The following UTRN variants were observed in gnomAD, a reference collection of about 807,000 sequenced individuals.
UTRN encodes utrophin.
A neutral mutation model predicts 463.9 loss-of-function variants in UTRN; 283 were observed. The observed-to-expected ratio is 0.61, with a 90% confidence interval of 0.55 to 0.67. The LOEUF (loss-of-function observed/expected upper bound fraction) is 0.67, where lower values mean the gene tolerates loss of function less well. Ranked by LOEUF, UTRN falls within the 30% of genes least tolerant of loss-of-function variation. The pLI, the probability that UTRN is intolerant of heterozygous loss-of-function variation, is 0.00. For missense variants in UTRN, 3,922 were observed against 4,084.3 expected, an observed-to-expected ratio of 0.96 and a Z score of 1.08; for synonymous variants, 1,442 against 1,431.5, an observed-to-expected ratio of 1.01 and a Z score of -0.17.
At chr6:144,734,714 G>T (rs965568178) in intron 54 of UTRN, among the ~76,000 whole-genome samples, 12 of 152,278 alleles carry the variant, frequency 7.9e-5, no homozygotes, top group African/African-American at 2.2e-4. Flanking sequence ...CTACCCCTTG[G>T]ATGATTGCAG....
intron 25 of UTRN, 25 bp from the exon 26 acceptor site, chr6:144,479,787 T>C: frequency 6.3e-7 from 1 of 1,599,056 alleles, no homozygotes; most frequent in South Asian, 1.1e-5. Flanking sequence ...TTTGTTTATT[T>C]GGGGGAATGG....
chr6:144,666,623 T>C (rs1780423369), intron 51 of UTRN, among the ~76,000 whole-genome samples: 2 of 152,352 alleles, frequency 1.3e-5, no homozygotes, highest in African/African-American at 4.8e-5. Flanking sequence ...AAAGTTAATA[T>C]GCCACCAAAT....
intron 2 of UTRN, among the ~76,000 whole-genome samples, chr6:144,304,272 A>G (rs916045575): frequency 6.6e-5 from 10 of 151,964 alleles, no homozygotes; most frequent in African/African-American, 1.2e-4. Context: ...AACACTTGCA[A>G]GCATTCTTGG....
chr6:144,389,913 CTT>C (rs1316619933), intron 2 of UTRN, among the ~76,000 whole-genome samples: 1 of 152,090 alleles, frequency 6.6e-6, no homozygotes, highest in Non-Finnish European at 1.5e-5. Context: ...CTTCATTACT[CTT>C]ATAATAATTC....
In UTRN at chr6:144,586,860, T is replaced by C. The variant is rs113030097; in HGVS notation, c.7479+9572T>C. ...GTGACTCAAGCATTTTAGAAAATGT[T>C]GATTTAAGTGATATAACTTCTATTT... On this transcript the variant is annotated intron_variant, in intron 51 of 74. Transcript: ENST00000367545. 7.1e-3 allele frequency among the ~76,000 whole-genome samples: 1,081 copies of C among 152,314 alleles called. 11 individuals carry two copies. Among genetic ancestry groups the C allele is most frequent in the African/African-American group, 0.024 (979 of 41,582 alleles).
intron 19 of UTRN, among the ~76,000 whole-genome samples, chr6:144,455,139 T>C (rs1212502818): frequency 2.0e-5 from 3 of 152,114 alleles, no homozygotes; most frequent in African/African-American, 7.2e-5. Context: ...ACACACAAAA[T>C]ATGGAATGTA....
intron 51 of UTRN, among the ~76,000 whole-genome samples, chr6:144,636,777 C>T (rs1438364188): frequency 6.6e-6 from 1 of 152,056 alleles, no homozygotes; most frequent in Non-Finnish European, 1.5e-5. Flanking sequence ...CTTTTTTCTT[C>T]GTTCATTCTC....
chr6:144,780,982 A>G (rs963707951), intron 60 of UTRN, among the ~76,000 whole-genome samples: 16 of 152,164 alleles, frequency 1.1e-4, no homozygotes, highest in African/African-American at 3.9e-4. Context: ...TTCCTCTCCT[A>G]GAAGTAGTAG....
chr6:144,696,102 C>G (rs905722082), intron 52 of UTRN, among the ~76,000 whole-genome samples: 1 of 152,110 alleles, frequency 6.6e-6, no homozygotes, highest in Non-Finnish European at 1.5e-5. Flanking sequence ...TAACCTTTAA[C>G]ATCATCATTT....
At chr6:144,515,507 A>T (rs867363962) in intron 37 of UTRN, among the ~76,000 whole-genome samples, 1 of 152,046 alleles carries the variant, frequency 6.6e-6, no homozygotes, top group Non-Finnish European at 1.5e-5. Flanking sequence ...ATGACGACAA[A>T]TCTAAAAGTT....
chr6:144,553,549 C>T (rs1048902727), intron 48 of UTRN, among the ~76,000 whole-genome samples: 20 of 152,106 alleles, frequency 1.3e-4, no homozygotes, highest in African/African-American at 2.2e-4. Context: ...CAGGTTCTTG[C>T]GGATATTCTA....
intron 50 of UTRN, among the ~76,000 whole-genome samples, chr6:144,568,654 G>A (rs371552582): frequency 3.4e-4 from 52 of 152,194 alleles, no homozygotes; most frequent in South Asian, 2.3e-3. Context: ...GTCATCTTTC[G>A]TTTACATGCA....
chr6:144,560,712 A>C (rs779544430), intron 50 of UTRN, among the ~76,000 whole-genome samples: 12 of 152,128 alleles, frequency 7.9e-5, no homozygotes, highest in Non-Finnish European at 1.2e-4. Context: ...CCTTATCTAC[A>C]ATGCCAAAAT....
At chr6:144,372,476 T>C (rs1007908391) in intron 2 of UTRN, among the ~76,000 whole-genome samples, 6 of 152,174 alleles carry the variant, frequency 3.9e-5, no homozygotes, top group Admixed American at 3.3e-4. Context: ...CCGCAATAGA[T>C]AAAGAAGTCT....
chr6:144,319,735 T>C (rs996985466), intron 2 of UTRN, among the ~76,000 whole-genome samples: 1 of 152,166 alleles, frequency 6.6e-6, no homozygotes, highest in Admixed American at 6.5e-5. Flanking sequence ...GCCCAGTTAA[T>C]TTTTATACTT....
At chr6:144,615,500 A>G (rs1294600953) in intron 51 of UTRN, among the ~76,000 whole-genome samples, 13 of 152,026 alleles carry the variant, frequency 8.6e-5, no homozygotes. Context: ...CTCATATGAT[A>G]CCCTTTAGGA....
At chr6:144,638,040 A>C (rs1181071662) in intron 51 of UTRN, among the ~76,000 whole-genome samples, 1 of 152,204 alleles carries the variant, frequency 6.6e-6, no homozygotes, top group Non-Finnish European at 1.5e-5. Context: ...GTATAGCTTC[A>C]GTGTTTGGTA....
At chr6:144,323,518 G>A (rs1775794081) in intron 2 of UTRN, among the ~76,000 whole-genome samples, 1 of 152,086 alleles carries the variant, frequency 6.6e-6, no homozygotes, top group Admixed American at 6.6e-5. Flanking sequence ...AATCCATGAA[G>A]CACAACATTA....
At chr6:144,733,906 G>T (rs1789058320) in intron 54 of UTRN, among the ~76,000 whole-genome samples, 1 of 152,052 alleles carries the variant, frequency 6.6e-6, no homozygotes, top group African/African-American at 2.4e-5. Context: ...TTTCTTACTT[G>T]CCCTAAGTTG....
Sources: gnomAD v4.1 joint callset for allele counts (sites outside exome capture counted in the v4.1 genomes callset) on GRCh38, gnomAD v4.1.1 for gene constraint, MANE v1.5 for transcripts, NCBI Gene and HGNC (gene_info 2026-07-23, HGNC 2026-07-21) for gene names.